Variants in KPNA3 observed in about 807,000 individuals in gnomAD.
The protein encoded by KPNA3 is importin subunit alpha-4.
KPNA3 carries 13 observed loss-of-function variants against 73.8 expected under a neutral mutation model. The ratio of observed to expected loss-of-function variants is 0.18; its 90% CI spans 0.11 to 0.28. The LOEUF is 0.28. Among genes scored for constraint, KPNA3 ranks in the 10% least tolerant of loss-of-function variants. KPNA3 has a pLI of 1.00. For synonymous variants in KPNA3, 186 were observed against 206.9 expected (o/e 0.90, Z 0.87); for missense variants, 360 against 618.1 (o/e 0.58, Z 4.43).
chr13:49,751,562 T>G (rs1391508407), intron 1 of KPNA3, among the ~76,000 whole-genome samples: 1 of 152,148 alleles, frequency 6.6e-6, no homozygotes, highest in Non-Finnish European at 1.5e-5. Flanking sequence ...TGGCATCCCC[T>G]GCCCCACACA....
chr13:49,772,325 C>G (rs1348010194), intron 1 of KPNA3, among the ~76,000 whole-genome samples: 1 of 152,102 alleles, frequency 6.6e-6, no homozygotes, highest in Non-Finnish European at 1.5e-5. Flanking sequence ...TGCTCTTCAT[C>G]AAGAGAATGT....
rs1773261729 is a variant in KPNA3, at chr13:49,718,957, G to A, written c.771+818C>T. On this transcript the variant is annotated intron_variant, in intron 10 of 16. Transcript: ENST00000261667. The stretch of plus-strand genomic sequence containing the variant: ...ATACACATATGTATGTACATGTTAT[G>A]TGTATGTAGATAAAGATTACAAAAA... Among the ~76,000 whole-genome samples the A allele has an allele frequency of 3.0e-5, 3 of 98,388 alleles. No homozygotes were observed. The South Asian group carries it at 1.4e-3, about 46-fold the overall frequency. The allele number at this position is 98,388 out of a possible 152,430, so 64.5% of individuals were successfully genotyped here.
intron 10 of KPNA3, among the ~76,000 whole-genome samples, chr13:49,716,897 A>C (rs1419147030): frequency 6.6e-6 from 1 of 152,128 alleles, no homozygotes; most frequent in African/African-American, 2.4e-5. Flanking sequence ...TCAATCCCTT[A>C]AATACTGACG....
chr13:49,741,866 C>T (rs745971546), intron 2 of KPNA3, among the ~76,000 whole-genome samples: 5 of 152,132 alleles, frequency 3.3e-5, no homozygotes, highest in African/African-American at 9.7e-5. Context: ...TATTAATAGT[C>T]TCTTTTGCTG....
chr13:49,785,080 G>C (rs1954971065), intron 1 of KPNA3, among the ~76,000 whole-genome samples: 2 of 152,106 alleles, frequency 1.3e-5, no homozygotes, highest in South Asian at 4.1e-4. Context: ...CTGGCGAGGA[G>C]GGGCAGGCGG....
At chr13:49,773,873 A>G (rs1594460381) in intron 1 of KPNA3, among the ~76,000 whole-genome samples, 1 of 152,286 alleles carries the variant, frequency 6.6e-6, no homozygotes, top group African/African-American at 2.4e-5. Flanking sequence ...AGAAGTAACC[A>G]TATTCTGAAA....
In KPNA3 at chr13:49,701,562, T is replaced by C. The variant is rs527819281; in HGVS notation, c.*238A>G. On this transcript the variant is annotated 3_prime_UTR_variant, in exon 17 of 17. Coordinates refer to ENST00000261667, the MANE Select transcript of KPNA3 (RefSeq NM_002267.4). ...CAGGGAACAGGGAAAAATAGGGTAG[T>C]TGAGATTGTTAAGGAGAGTTCTAAA... 16 of 606,282 alleles carry C rather than the reference T, an allele frequency of 2.6e-5. No individual in the cohort carries two copies. Among genetic ancestry groups the C allele is most frequent in the African/African-American group, 2.4e-4 (13 of 54,746 alleles). The allele number at this position is 606,282 out of a possible 1,614,324, so 37.6% of individuals were successfully genotyped here. A position where few individuals can be genotyped will look rare whatever the true frequency, so the allele number is the denominator to read the frequency against.
chr13:49,747,673 G>A (rs927903884), intron 1 of KPNA3, among the ~76,000 whole-genome samples: 39 of 152,186 alleles, frequency 2.6e-4, no homozygotes, highest in African/African-American at 8.9e-4. Context: ...GTGACAGAGC[G>A]AGACTCTGTC....
intron 10 of KPNA3, among the ~76,000 whole-genome samples, chr13:49,713,634 AACACACAC>A (rs66994650): frequency 0.093 from 13,095 of 140,866 alleles, 630 homozygotes; most frequent in South Asian, 0.13. Flanking sequence ...TCTTAGGTGA[AACACACAC>A]ACACACACAC....
intron 2 of KPNA3, among the ~76,000 whole-genome samples, chr13:49,742,968 G>T (rs3782929): frequency 1.3e-5 from 2 of 151,818 alleles, no homozygotes; most frequent in Non-Finnish European, 2.9e-5. Flanking sequence ...GCACTTAATC[G>T]ACTACATAGC....
rs1466778249 is a variant in KPNA3 at position 49,723,863 on chromosome 13, C to T, written c.470-1300G>A. ...CCAGCCTGGCGACAGAGCGAGACTC[C>T]GTCTTAAAAAAAAAAAAAAAAGAAA... On this transcript the variant is annotated intron_variant, in intron 7 of 16. Transcript: ENST00000261667. Among the ~76,000 whole-genome samples, 7 of 138,804 alleles carry T rather than the reference C, an allele frequency of 5.0e-5. No homozygotes were observed. The South Asian group carries it at 9.1e-4, about 18-fold the overall frequency. 91.1% of individuals were successfully genotyped at this position (138,804 alleles called of 152,430 possible).
intron 2 of KPNA3, among the ~76,000 whole-genome samples, chr13:49,738,615 TA>T (rs1954545939): frequency 1.3e-5 from 2 of 152,250 alleles, no homozygotes; most frequent in Non-Finnish European, 2.9e-5. Context: ...TTGAATTGTC[TA>T]AAAATTGTAT....
At chr13:49,740,275 ATTACC>A (rs1017045459) in intron 2 of KPNA3, among the ~76,000 whole-genome samples, 15 of 152,106 alleles carry the variant, frequency 9.9e-5, no homozygotes, top group African/African-American at 2.7e-4. Context: ...TAACACATGC[ATTACC>A]TTACATTTCA....
chr13:49,792,200 G>C (rs1350829759), intron 1 of KPNA3, among the ~76,000 whole-genome samples: 2 of 151,880 alleles, frequency 1.3e-5, no homozygotes, highest in African/African-American at 4.8e-5. Flanking sequence ...CCCGCGTGAC[G>C]GGGCCGAAAA....
chr13:49,702,555 T>A, intron 15 of KPNA3, 75 bp from the exon 16 acceptor site: 1 of 733,008 alleles, frequency 1.4e-6, no homozygotes, highest in Non-Finnish European at 2.2e-6. Flanking sequence ...CTCATTTTAA[T>A]CATGGAGAAA....
intron 1 of KPNA3, among the ~76,000 whole-genome samples, chr13:49,753,699 G>A (rs1003958200): frequency 6.6e-5 from 10 of 152,170 alleles, no homozygotes; most frequent in Admixed American, 5.2e-4. Context: ...GTCAGATCAC[G>A]GTTGGCATTA....
At position 49,765,884 on chromosome 13, in the gene KPNA3, C is replaced by T. The variant is rs1047791652; in HGVS notation, c.70-18891G>A. On this transcript the variant is annotated intron_variant, in intron 1 of 16. Transcript: ENST00000261667. ...CAGATTTTGGTGTGTTCTGCAAGTC[C>T]CATAACCTTGGGAATTTAAGCAGCT... is the stretch of plus-strand genomic sequence containing the variant. Among the ~76,000 whole-genome samples, 7 of 152,234 alleles carry T rather than the reference C, an allele frequency of 4.6e-5. No individual in the cohort carries two copies. In the South Asian group the frequency reaches 6.2e-4, roughly 14 times the overall value.
chr13:49,727,982 T>C (rs1194871659), intron 6 of KPNA3, among the ~76,000 whole-genome samples: 4 of 152,040 alleles, frequency 2.6e-5, no homozygotes, highest in Non-Finnish European at 5.9e-5. Context: ...ACGCCTGTAA[T>C]CCCAGCACTT....
chr13:49,771,182 A>G (rs12870925), intron 1 of KPNA3, among the ~76,000 whole-genome samples: 1 of 151,986 alleles, frequency 6.6e-6, no homozygotes, highest in Non-Finnish European at 1.5e-5. Flanking sequence ...AGAAAAAAAG[A>G]AAAAAGGCAA....
Sources: gnomAD v4.1 joint callset for allele counts (sites outside exome capture counted in the v4.1 genomes callset) on GRCh38, gnomAD v4.1.1 for gene constraint, MANE v1.5 for transcripts, NCBI Gene and HGNC (gene_info 2026-07-23, HGNC 2026-07-21) for gene names.